The following ZSWIM6 variants were observed in gnomAD, a reference collection of about 807,000 sequenced individuals.
ZSWIM6 encodes the protein zinc finger SWIM-type containing 6.
In ZSWIM6, 9 loss-of-function variants were observed where a neutral mutation model predicts 113.2. That is an observed-to-expected ratio of 0.08 (90% CI 0.05 to 0.14). The LOEUF is 0.14. ZSWIM6 is among the 10% of genes least tolerant of loss of function. The pLI is 1.00. For missense variants in ZSWIM6, 1,162 were observed against 1,552.2 expected, an observed-to-expected ratio of 0.75 and a Z score of 4.22; for synonymous variants, 611 against 606.5, an observed-to-expected ratio of 1.01 and a Z score of -0.11.
At chr5:61,540,109 A>G (rs1371587961) in intron 12 of ZSWIM6, among the ~76,000 whole-genome samples, 1 of 152,214 alleles carries the variant, frequency 6.6e-6, no homozygotes, top group Non-Finnish European at 1.5e-5. Flanking sequence ...TATAATGAAG[A>G]TTCAGTTGTT....
At chr5:61,500,513 TG>T (rs1034011102) in intron 4 of ZSWIM6, among the ~76,000 whole-genome samples, 6 of 152,132 alleles carry the variant, frequency 3.9e-5, no homozygotes, top group African/African-American at 1.4e-4. Context: ...GCTCACCTAG[TG>T]GGGAATAAAC....
intron 1 of ZSWIM6, among the ~76,000 whole-genome samples, chr5:61,346,851 A>G (rs143946912): frequency 3.3e-5 from 5 of 152,232 alleles, no homozygotes; most frequent in Non-Finnish European, 7.3e-5. Flanking sequence ...TGCTTTCAAT[A>G]ATGACTACTA....
At chr5:61,437,690 C>G (rs548932022) in intron 1 of ZSWIM6, among the ~76,000 whole-genome samples, 1 of 133,990 alleles carries the variant, frequency 7.5e-6, no homozygotes, top group East Asian at 2.2e-4. Context: ...GCACTCTTGT[C>G]TGGTTGACAG....
At chr5:61,524,402 A>G (rs541600756) in intron 5 of ZSWIM6, among the ~76,000 whole-genome samples, 2 of 152,292 alleles carry the variant, frequency 1.3e-5, no homozygotes, top group South Asian at 2.1e-4. Flanking sequence ...TCTACCATTC[A>G]GGTACAGATA....
chr5:61,496,914 A>G (rs1748332187), intron 4 of ZSWIM6, among the ~76,000 whole-genome samples: 1 of 152,162 alleles, frequency 6.6e-6, no homozygotes, highest in African/African-American at 2.4e-5. Context: ...ATTGCTTCTC[A>G]TGTGCCACGA....
rs775218034 is a variant in ZSWIM6 at position 61,494,274 on chromosome 5, A to G, written c.1197A>G (p.Leu399=). ...NLLFAKVREM[L]KMRDSNGARM... ...TTCCCCATTAGGTGCGGGAGATGTTAAAGATGAGGGACTCCAATGGGGCCC... is the reference window on the plus strand; with the variant it reads ...TTCCCCATTAGGTGCGGGAGATGTTGAAGATGAGGGACTCCAATGGGGCCC... Residue 399 remains leucine (L), a synonymous_variant, in exon 4 of 14, where the codon TTA becomes TTG. Transcript: ENST00000252744. 3.9e-6 allele frequency: 6 copies of G among 1,550,916 alleles called. No individual in the cohort carries two copies. In the South Asian group the frequency reaches 7.1e-5, roughly 18 times the overall value.
rs2112091553 is a variant in ZSWIM6 at position 61,390,831 on chromosome 5, G to A, written c.676+57883G>A. 8 of 809,030 alleles carry A rather than the reference G, an allele frequency of 9.9e-6. No individual in the cohort carries two copies. In the South Asian group the frequency reaches 1.1e-4, roughly 11 times the overall value. The allele number at this position is 809,030 out of a possible 1,614,324, so 50.1% of individuals were successfully genotyped here. On this transcript the variant is annotated intron_variant, in intron 1 of 13. Coordinates refer to ENST00000252744, the MANE Select transcript of ZSWIM6 (RefSeq NM_020928.2). ...CCGCCGTTTGGTTGGCACTGGCAAG[G>A]ACTTGTGAAGGGTGAGCACTTGCTT...
chr5:61,495,696 G>A (rs1222350492), intron 4 of ZSWIM6, among the ~76,000 whole-genome samples: 2 of 152,072 alleles, frequency 1.3e-5, no homozygotes, highest in African/African-American at 2.4e-5. Flanking sequence ...AATAACACAA[G>A]TATAATGCAT....
intron 10 of ZSWIM6, 79 bp downstream of exon 10, chr5:61,535,698 T>C: frequency 6.7e-7 from 1 of 1,497,490 alleles, no homozygotes; most frequent in Non-Finnish European, 9.0e-7. Flanking sequence ...ACTTACTCCT[T>C]CATGTTTCTT....
At chr5:61,410,434 C>A (rs1394254009) in intron 1 of ZSWIM6, among the ~76,000 whole-genome samples, 1 of 151,412 alleles carries the variant, frequency 6.6e-6, no homozygotes, top group Non-Finnish European at 1.5e-5. Flanking sequence ...CTCAGCCTCC[C>A]GAGTAGCTGG....
intron 1 of ZSWIM6, among the ~76,000 whole-genome samples, chr5:61,382,812 AAAAAAAAGAAAG>A (rs909202668): frequency 1.5e-5 from 2 of 134,868 alleles, no homozygotes; most frequent in African/African-American, 5.2e-5. Flanking sequence ...CTAAAAATAA[AAAAAAAAGAAAG>A]AAAGAAAGAA....
At chr5:61,398,862 T>A (rs1433299046) in intron 1 of ZSWIM6, among the ~76,000 whole-genome samples, 1 of 150,860 alleles carries the variant, frequency 6.6e-6, no homozygotes, top group South Asian at 2.1e-4. Flanking sequence ...CTTGAGCTTA[T>A]GGCGGAATGG....
rs1442778326 is a variant in ZSWIM6, at chr5:61,543,323, T to C, written c.2786-132T>C. On this transcript the variant is annotated intron_variant, in intron 13 of 13. Coordinates refer to ENST00000252744, the MANE Select transcript of ZSWIM6 (RefSeq NM_020928.2). This position sits in a 1 kb window ranked among gnomAD's most constrained non-coding sequence, Gnocchi z 4.3. ...AAGGTTTCTCACAGGCACATTACTTTACAGGATTTTCTAGCCTAGCTCATG... is the reference window on the plus strand; with the variant it reads ...AAGGTTTCTCACAGGCACATTACTTCACAGGATTTTCTAGCCTAGCTCATG... The C allele has an allele frequency of 9.2e-6, 10 of 1,091,854 alleles. No homozygotes were observed. Among genetic ancestry groups the C allele is most frequent in the Non-Finnish European group, 1.3e-5 (10 of 785,692 alleles). The allele number at this position is 1,091,854 out of a possible 1,614,324, so 67.6% of individuals were successfully genotyped here. A position where few individuals can be genotyped will look rare whatever the true frequency, so the allele number is the denominator to read the frequency against.
chr5:61,372,717 G>GT (rs1745290364), intron 1 of ZSWIM6, among the ~76,000 whole-genome samples: 1 of 152,040 alleles, frequency 6.6e-6, no homozygotes, highest in Non-Finnish European at 1.5e-5. Context: ...TTATTTATTT[G>GT]TTACACTTGT....
intron 5 of ZSWIM6, among the ~76,000 whole-genome samples, chr5:61,522,159 G>T (rs1252918186): frequency 1.0e-4 from 15 of 149,214 alleles, no homozygotes; most frequent in African/African-American, 3.5e-4. Flanking sequence ...TTCAACCCAA[G>T]TCTCTCCCAT....
intron 1 of ZSWIM6, among the ~76,000 whole-genome samples, chr5:61,393,342 G>A (rs1368932273): frequency 2.0e-5 from 3 of 151,870 alleles, no homozygotes; most frequent in Non-Finnish European, 2.9e-5. Flanking sequence ...CACTGCACCC[G>A]GCCTCTCAAT....
chr5:61,526,674 A>G (rs1031312652), intron 7 of ZSWIM6, among the ~76,000 whole-genome samples: 6 of 152,252 alleles, frequency 3.9e-5, no homozygotes, highest in African/African-American at 1.4e-4. Context: ...TAGTATGTCT[A>G]AATTATTTAA....
chr5:61,443,401 T>C (rs147503508), intron 1 of ZSWIM6, among the ~76,000 whole-genome samples: 149 of 152,292 alleles, frequency 9.8e-4, no homozygotes, highest in Admixed American at 1.8e-3. Flanking sequence ...TATATAAATA[T>C]AACCCAAAGA....
intron 1 of ZSWIM6, among the ~76,000 whole-genome samples, chr5:61,333,779 C>T (rs531410281): frequency 6.6e-6 from 1 of 151,984 alleles, no homozygotes; most frequent in South Asian, 2.1e-4. Context: ...CCAGACACCC[C>T]TGTGCGGGCC....
Sources: gnomAD v4.1 joint callset for allele counts (sites outside exome capture counted in the v4.1 genomes callset) on GRCh38, gnomAD v4.1.1 for gene constraint, Gnocchi (gnomAD v3.1) non-coding constraint, MANE v1.5 for transcripts, NCBI Gene and HGNC (gene_info 2026-07-23, HGNC 2026-07-21) for gene names.